ZFYVE9: variants seen among roughly 807,000 people sequenced by gnomAD.
The protein encoded by ZFYVE9 is zinc finger FYVE domain-containing protein 9.
ZFYVE9 carries 43 observed loss-of-function variants against 126.7 expected under a neutral mutation model. The observed-to-expected ratio is 0.34, with a 90% CI of 0.27 to 0.44. ZFYVE9 has a LOEUF of 0.44. Ranked by LOEUF, ZFYVE9 falls within the 20% of genes least tolerant of loss-of-function variation. The pLI, the probability that ZFYVE9 is intolerant of heterozygous loss-of-function variation, is 1.00. For synonymous variants in ZFYVE9, 521 were observed against 597.4 expected (o/e 0.87, Z 1.87); for missense variants, 1,476 against 1,697.0 (o/e 0.87, Z 2.29).
chr1:52,321,838 C>T (rs1646243099), intron 13 of ZFYVE9, among the ~76,000 whole-genome samples: 2 of 152,146 alleles, frequency 1.3e-5, no homozygotes, highest in East Asian at 1.9e-4. Flanking sequence ...CCTTTCTGAC[C>T]CCATTTCGTA....
chr1:52,329,447 A>G (rs1232420323), intron 13 of ZFYVE9, among the ~76,000 whole-genome samples: 1 of 152,220 alleles, frequency 6.6e-6, no homozygotes, highest in African/African-American at 2.4e-5. Context: ...ATTCTTAGAT[A>G]TGACCCCAAA....
chr1:52,160,608 C>T (rs760544527), intron 1 of ZFYVE9: 74 of 703,636 alleles, frequency 1.1e-4, no homozygotes, highest in Middle Eastern at 2.6e-4. Flanking sequence ...TCCATAGAGT[C>T]GGGCACCGTG....
intron 13 of ZFYVE9, among the ~76,000 whole-genome samples, chr1:52,327,524 T>C (rs1322884510): frequency 6.7e-6 from 1 of 149,366 alleles, no homozygotes; most frequent in Non-Finnish European, 1.5e-5. Flanking sequence ...ATTGCTTGAA[T>C]CCGGGAGGCA....
intron 4 of ZFYVE9, among the ~76,000 whole-genome samples, chr1:52,250,226 C>T (rs1199701800): frequency 6.6e-6 from 1 of 152,126 alleles, no homozygotes; most frequent in Non-Finnish European, 1.5e-5. Flanking sequence ...TAATAATAAG[C>T]CTTCTAGTCC....
At chr1:52,322,835 C>T (rs532041710) in intron 13 of ZFYVE9, among the ~76,000 whole-genome samples, 26 of 152,132 alleles carry the variant, frequency 1.7e-4, no homozygotes, top group African/African-American at 5.8e-4. Context: ...GACAGAGTCT[C>T]GCTCTATCGC....
intron 9 of ZFYVE9, among the ~76,000 whole-genome samples, chr1:52,279,769 G>A (rs186465343): frequency 2.6e-5 from 4 of 152,218 alleles, no homozygotes; most frequent in Admixed American, 2.0e-4. Flanking sequence ...GCGCCAGCTA[G>A]TAATTTTGAG....
At chr1:52,167,349 C>A (rs149908369) in intron 1 of ZFYVE9, among the ~76,000 whole-genome samples, 1 of 152,300 alleles carries the variant, frequency 6.6e-6, no homozygotes, top group Admixed American at 6.5e-5. Flanking sequence ...AACATGATTT[C>A]AAGCACTTGA....
chr1:52,278,500 G>A lies in ZFYVE9; in HGVS notation c.2755G>A (p.Val919Met). The change falls in exon 9 of 19, where the codon GTG (valine) becomes ATG (methionine). Residue 919 changes from valine to methionine, a missense_variant. Val to Met is a conservative substitution (Grantham distance 21). Transcript: ENST00000287727. ...ISTGVKGDYA[V>M]EEKPSQISVM... ...GTTTTCTCCCCTTTCAGACTATGCT[G>A]TGGAAGAGAAACCATCACAGATTTC... 1 of 1,614,012 alleles carries A rather than the reference G, an allele frequency of 6.2e-7. No individual in the cohort carries two copies. Among genetic ancestry groups the A allele is most frequent in the Non-Finnish European group, 8.5e-7 (1 of 1,179,964 alleles).
At chr1:52,287,199 C>T (rs1351027110) in intron 10 of ZFYVE9, among the ~76,000 whole-genome samples, 1 of 152,124 alleles carries the variant, frequency 6.6e-6, no homozygotes, top group Non-Finnish European at 1.5e-5. Flanking sequence ...AAGTGATTCT[C>T]CTGCCTCAGC....
intron 2 of ZFYVE9, among the ~76,000 whole-genome samples, chr1:52,225,491 A>G (rs1036363022): frequency 7.9e-5 from 12 of 152,350 alleles, no homozygotes; most frequent in African/African-American, 2.2e-4. Context: ...AGAGCACACC[A>G]AACGAAGGAA....
At chr1:52,168,214 CTTTTTTTTTTTTT>C (rs139943554) in intron 1 of ZFYVE9, among the ~76,000 whole-genome samples, 1 of 114,986 alleles carries the variant, frequency 8.7e-6, no homozygotes, top group African/African-American at 3.5e-5. Flanking sequence ...TCTTCGTCTT[CTTTTTTTTTTTTT>C]TTTTTTTTTG....
At chr1:52,159,857 G>C (rs595549) in intron 1 of ZFYVE9, among the ~76,000 whole-genome samples, 1 of 151,392 alleles carries the variant, frequency 6.6e-6, no homozygotes, top group African/African-American at 2.4e-5. Flanking sequence ...GTGCAGTGGC[G>C]AGATCTCGGC....
intron 4 of ZFYVE9, among the ~76,000 whole-genome samples, chr1:52,241,039 T>A (rs996291278): frequency 2.6e-4 from 40 of 152,198 alleles, no homozygotes; most frequent in African/African-American, 9.6e-4. Flanking sequence ...ATATTTGGGA[T>A]TCTTGCAAAA....
chr1:52,185,949 T>G (rs930267211), intron 1 of ZFYVE9, among the ~76,000 whole-genome samples: 1 of 138,982 alleles, frequency 7.2e-6, no homozygotes, highest in Admixed American at 7.5e-5. Context: ...TTGATAAAAT[T>G]CAATATCCTG....
At chr1:52,321,839 C>T (rs1646243122) in intron 13 of ZFYVE9, among the ~76,000 whole-genome samples, 1 of 152,176 alleles carries the variant, frequency 6.6e-6, no homozygotes, top group African/African-American at 2.4e-5. Flanking sequence ...CTTTCTGACC[C>T]CATTTCGTAT....
At chr1:52,330,906 C>T (rs1200376869) in intron 13 of ZFYVE9, among the ~76,000 whole-genome samples, 1 of 152,064 alleles carries the variant, frequency 6.6e-6, no homozygotes, top group African/African-American at 2.4e-5. Flanking sequence ...TCCCTGTGTT[C>T]CCCAGGCTGG....
intron 4 of ZFYVE9, among the ~76,000 whole-genome samples, chr1:52,263,119 C>T (rs1645596316): frequency 7.0e-6 from 1 of 142,364 alleles, no homozygotes; most frequent in Non-Finnish European, 1.5e-5. Flanking sequence ...TTAACAGGAA[C>T]AAAGGAGATT....
chr1:52,226,087 T>A (rs1243476848), intron 2 of ZFYVE9, among the ~76,000 whole-genome samples: 2 of 152,058 alleles, frequency 1.3e-5, no homozygotes, highest in African/African-American at 4.8e-5. Context: ...AGGTATGAAG[T>A]TTACATAGCA....
intron 8 of ZFYVE9, among the ~76,000 whole-genome samples, chr1:52,275,903 A>ATTT (rs34282653): frequency 1.9e-3 from 220 of 115,664 alleles, no homozygotes; most frequent in African/African-American, 3.3e-3. Context: ...TTAGCAAGCA[A>ATTT]TTTTTTTTTT....
Sources: allele counts gnomAD v4.1 joint callset (sites outside exome capture counted in the v4.1 genomes callset), GRCh38; gene constraint gnomAD v4.1.1; transcripts MANE v1.5; gene names NCBI Gene and HGNC (gene_info 2026-07-23, HGNC 2026-07-21).